The following INSL6 variants were observed in gnomAD, a reference collection of about 807,000 sequenced individuals.
INSL6 encodes insulin like 6.
Under a neutral mutation model 9.4 loss-of-function variants are expected in INSL6, and 16 were observed. The observed-to-expected ratio is 1.70, with a 90% CI of 1.15 to 2.59. INSL6 has a LOEUF of 2.59. INSL6 is among the 30% of genes most tolerant of loss of function. The pLI is 0.00. For synonymous variants in INSL6, 154 were observed against 96.9 expected (o/e 1.59, Z -3.46); for missense variants, 391 against 257.3 (o/e 1.52, Z -3.56).
At chr9:5,069,972 C>G in the INSL6 span, 18 of 1,605,920 alleles carry the variant, frequency 1.1e-5, no homozygotes, top group Non-Finnish European at 1.5e-5. Context: ...TTCTGATGTA[C>G]CAACCTCACC....
the INSL6 span, among the ~76,000 whole-genome samples, chr9:5,038,447 AT>A: frequency 6.6e-6 from 1 of 152,208 alleles, no homozygotes; most frequent in Non-Finnish European, 1.5e-5. Flanking sequence ...CTGATAACAA[AT>A]TCAGACAAAG....
chr9:5,060,339 A>C, the INSL6 span, among the ~76,000 whole-genome samples: 1 of 152,186 alleles, frequency 6.6e-6, no homozygotes, highest in African/African-American at 2.4e-5. Context: ...ATTTCGTTAA[A>C]GTTGTCTCTG....
At chr9:5,095,164 T>C in the INSL6 span, 2 of 151,882 alleles carry the variant, frequency 1.3e-5, no homozygotes, top group Non-Finnish European at 2.9e-5. Context: ...CTAAAGTAAG[T>C]TCAGCTAAAT....
intron 1 of INSL6, among the ~76,000 whole-genome samples, chr9:5,174,968 C>G (rs1043616695): frequency 9.4e-5 from 14 of 148,894 alleles, no homozygotes; most frequent in African/African-American, 3.5e-4. Context: ...GAGACAGAGT[C>G]TCGCTCTGGC....
chr9:5,153,023 TCCCATGGTCCTCGCAATCCGCAGA>T (rs1824741660), intron 2 of INSL6, among the ~76,000 whole-genome samples: 1 of 152,090 alleles, frequency 6.6e-6, no homozygotes, highest in African/African-American at 2.4e-5. Flanking sequence ...ACTGCACTTT[TCCCATGGTCCTCGCAATCCGCAGA>T]CCAGGAGATT....
chr9:5,110,895 C>T, the INSL6 span: 4 of 542,798 alleles, frequency 7.4e-6, no homozygotes, highest in Admixed American at 9.0e-5. Context: ...TCTGAGATGC[C>T]CGCTCTGGCC....
At chr9:5,123,163 G>A (rs72701635), downstream of INSL6, 177 of 1,352,522 alleles carry the variant, frequency 1.3e-4, 1 homozygote, top group Middle Eastern at 3.7e-4. Context: ...TTGTTTGTTC[G>A]TTTGATTTTT....
the INSL6 span, chr9:5,089,997 G>A: frequency 2.0e-6 from 1 of 495,164 alleles, no homozygotes. Flanking sequence ...AATGACTAGA[G>A]ATTGTGTTTG....
intron 1 of INSL6, among the ~76,000 whole-genome samples, chr9:5,170,168 C>G (rs1825146200): frequency 6.6e-6 from 1 of 152,138 alleles, no homozygotes; most frequent in Non-Finnish European, 1.5e-5. Flanking sequence ...GACCACAGCA[C>G]AATCAAACTA....
chr9:5,103,396 T>A, the INSL6 span, among the ~76,000 whole-genome samples: 1 of 151,762 alleles, frequency 6.6e-6, no homozygotes, highest in Non-Finnish European at 1.5e-5. Flanking sequence ...AGGTACCCAA[T>A]ACAGCAGCAC....
chr9:5,042,830 C>G, the INSL6 span, among the ~76,000 whole-genome samples: 3 of 152,202 alleles, frequency 2.0e-5, no homozygotes, highest in Admixed American at 1.3e-4. Context: ...AAGCCAGCCC[C>G]GCAACCAAAA....
chr9:5,171,546 T>G (rs1335026084), intron 1 of INSL6, among the ~76,000 whole-genome samples: 1 of 152,154 alleles, frequency 6.6e-6, no homozygotes, highest in Non-Finnish European at 1.5e-5. Context: ...CAAATTGTCT[T>G]TGTTTGCAGA....
At chr9:5,043,010 G>A in the INSL6 span, among the ~76,000 whole-genome samples, 1 of 152,204 alleles carries the variant, frequency 6.6e-6, no homozygotes, top group Non-Finnish European at 1.5e-5. Context: ...CTGGCGTCGC[G>A]CGGCTCGGCC....
the INSL6 span, chr9:5,050,711 G>C: frequency 6.2e-7 from 1 of 1,613,632 alleles, no homozygotes; most frequent in Non-Finnish European, 8.5e-7. Context: ...GTGCACGGAT[G>C]GATAAAAGTA....
At chr9:5,185,264 A>G (rs1179298882) in intron 1 of INSL6, 50 bp downstream of exon 1, 1 of 1,610,402 alleles carries the variant, frequency 6.2e-7, no homozygotes. Context: ...AAATGCAGGA[A>G]TAAGAAATAT....
the INSL6 span, chr9:5,029,661 T>G: frequency 1.3e-6 from 1 of 790,426 alleles, no homozygotes; most frequent in Non-Finnish European, 2.0e-6. Context: ...AGATTTCGAC[T>G]GCTATTACAT....
chr9:5,057,048 G>A, the INSL6 span, among the ~76,000 whole-genome samples: 1 of 152,086 alleles, frequency 6.6e-6, no homozygotes, highest in African/African-American at 2.4e-5. Context: ...GGGAAGAGTT[G>A]ACATTTCTTT....
At chr9:5,164,754 G>C (rs923323335) in intron 1 of INSL6, among the ~76,000 whole-genome samples, 1 of 152,150 alleles carries the variant, frequency 6.6e-6, no homozygotes, top group Non-Finnish European at 1.5e-5. Flanking sequence ...TTTTGTGTCT[G>C]GTTTCTTTCA....
At chr9:5,037,053 C>T in the INSL6 span, among the ~76,000 whole-genome samples, 12 of 152,110 alleles carry the variant, frequency 7.9e-5, no homozygotes, top group South Asian at 4.1e-4. Flanking sequence ...GCGAAGGATA[C>T]GAACAGACAC....
Sources: gnomAD v4.1 joint callset for allele counts (sites outside exome capture counted in the v4.1 genomes callset) on GRCh38, gnomAD v4.1.1 for gene constraint, MANE v1.5 for transcripts, NCBI Gene and HGNC (gene_info 2026-07-23, HGNC 2026-07-21) for gene names.